Variants in SLC24A3 observed in about 807,000 individuals in gnomAD.
The protein encoded by SLC24A3 is solute carrier family 24 member 3.
A neutral mutation model predicts 75.8 loss-of-function variants in SLC24A3; 28 were observed. That is an observed-to-expected ratio of 0.37 (90% CI 0.27 to 0.51). SLC24A3 has a LOEUF of 0.51. Among genes scored for constraint, SLC24A3 ranks in the 20% least tolerant of loss-of-function variants. The pLI is 0.94. For synonymous variants in SLC24A3, 372 were observed against 334.1 expected (o/e 1.11, Z -1.24); for missense variants, 663 against 847.8 (o/e 0.78, Z 2.71).
intron 2 of SLC24A3, among the ~76,000 whole-genome samples, chr20:19,310,083 C>T (rs188235554): frequency 0.024 from 3,636 of 152,324 alleles, 73 homozygotes; most frequent in Non-Finnish European, 0.035. Flanking sequence ...TGCCTGGTGT[C>T]TTCGTGGAGT....
At chr20:19,483,413 A>G (rs941057267) in intron 2 of SLC24A3, among the ~76,000 whole-genome samples, 1 of 152,262 alleles carries the variant, frequency 6.6e-6, no homozygotes, top group Admixed American at 6.5e-5. Flanking sequence ...AGGACACTTG[A>G]CACAGAATTT....
chr20:19,221,438 G>C (rs1333210801), intron 1 of SLC24A3, among the ~76,000 whole-genome samples: 1 of 152,190 alleles, frequency 6.6e-6, no homozygotes, highest in East Asian at 1.9e-4. Flanking sequence ...TGGAACCCAG[G>C]TATGCGTCTT....
At chr20:19,440,645 GTTTTTTTTTTT>G (rs11469517) in intron 2 of SLC24A3, among the ~76,000 whole-genome samples, 1 of 131,396 alleles carries the variant, frequency 7.6e-6, no homozygotes, top group Non-Finnish European at 1.7e-5. Flanking sequence ...AGGCCTCACT[GTTTTTTTTTTT>G]TTTTTTTTTT....
intron 2 of SLC24A3, among the ~76,000 whole-genome samples, chr20:19,454,622 C>T (rs970426069): frequency 6.6e-6 from 1 of 152,054 alleles, no homozygotes; most frequent in Non-Finnish European, 1.5e-5. Context: ...AAAAGTTAAG[C>T]CATAAAGAAC....
intron 2 of SLC24A3, among the ~76,000 whole-genome samples, chr20:19,341,675 CAG>C (rs1024098473): frequency 1.3e-5 from 2 of 152,220 alleles, no homozygotes; most frequent in Admixed American, 1.3e-4. Context: ...TGGCATTAAA[CAG>C]AGACTTGCAG....
chr20:19,495,312 T>C (rs2122535214), intron 2 of SLC24A3, among the ~76,000 whole-genome samples: 1 of 152,328 alleles, frequency 6.6e-6, no homozygotes, highest in East Asian at 1.9e-4. Context: ...TTGGACTGGA[T>C]GTACAAGTTC....
chr20:19,410,602 C>T (rs1041980981), intron 2 of SLC24A3, among the ~76,000 whole-genome samples: 3 of 152,124 alleles, frequency 2.0e-5, no homozygotes, highest in Non-Finnish European at 2.9e-5. Flanking sequence ...AAGCGTGGTT[C>T]TCTCGGGGAG....
At chr20:19,472,751 A>G (rs543360296) in intron 2 of SLC24A3, among the ~76,000 whole-genome samples, 36 of 152,254 alleles carry the variant, frequency 2.4e-4, no homozygotes, top group African/African-American at 7.9e-4. Flanking sequence ...CGTCCCCACT[A>G]CCGTTGCCTG....
intron 2 of SLC24A3, among the ~76,000 whole-genome samples, chr20:19,380,134 A>G (rs965071423): frequency 1.3e-5 from 2 of 152,210 alleles, no homozygotes; most frequent in Non-Finnish European, 2.9e-5. Context: ...GTGATGCAAT[A>G]TGATGAGATG....
chr20:19,374,965 C>A (rs1237223991), intron 2 of SLC24A3, among the ~76,000 whole-genome samples: 1 of 152,178 alleles, frequency 6.6e-6, no homozygotes, highest in Non-Finnish European at 1.5e-5. Flanking sequence ...CAAGGTAACA[C>A]TGAGTCTGTG....
At chr20:19,220,979 GATGTGAATAT>G (rs961948745) in intron 1 of SLC24A3, among the ~76,000 whole-genome samples, 3 of 152,148 alleles carry the variant, frequency 2.0e-5, no homozygotes, top group Non-Finnish European at 1.5e-5. Flanking sequence ...TCCTGTCCTG[GATGTGAATAT>G]ATGTGTTTTT....
chr20:19,651,353 A>G (rs1395580083), intron 6 of SLC24A3, among the ~76,000 whole-genome samples: 1 of 146,398 alleles, frequency 6.8e-6, no homozygotes, highest in Admixed American at 6.8e-5. Context: ...TGATTACAAA[A>G]TGTCATTCTG....
chr20:19,692,779 C>G (rs954057181), intron 12 of SLC24A3, among the ~76,000 whole-genome samples: 7 of 152,158 alleles, frequency 4.6e-5, no homozygotes, highest in Non-Finnish European at 8.8e-5. Flanking sequence ...CGCTGACCGA[C>G]GATGCTGAGA....
At chr20:19,597,368 C>T (rs2031464799) in intron 6 of SLC24A3, among the ~76,000 whole-genome samples, 1 of 151,936 alleles carries the variant, frequency 6.6e-6, no homozygotes, top group African/African-American at 2.4e-5. Flanking sequence ...GCCTGGGCAA[C>T]AGAGTGAAAT....
intron 2 of SLC24A3, among the ~76,000 whole-genome samples, chr20:19,434,524 T>A (rs73900117): frequency 0.027 from 4,160 of 152,314 alleles, 163 homozygotes; most frequent in East Asian, 0.1. Flanking sequence ...TTAGCATTGG[T>A]GCATTGGTGA....
intron 6 of SLC24A3, among the ~76,000 whole-genome samples, chr20:19,590,975 C>T (rs1237673231): frequency 2.6e-5 from 4 of 152,192 alleles, no homozygotes; most frequent in African/African-American, 7.2e-5. Flanking sequence ...TTATGACTGA[C>T]CATCTGCCTG....
At chr20:19,280,770 T>C (rs1264089631) in intron 1 of SLC24A3, among the ~76,000 whole-genome samples, 189 bp from the exon 2 acceptor site, 1 of 152,170 alleles carries the variant, frequency 6.6e-6, no homozygotes, top group African/African-American at 2.4e-5. Flanking sequence ...AGAATCCAGC[T>C]TAGAACATAC....
intron 6 of SLC24A3, 86 bp from the exon 7 acceptor site, chr20:19,653,976 C>T (rs1354367119): frequency 8.7e-7 from 1 of 1,144,490 alleles, no homozygotes; most frequent in Non-Finnish European, 1.3e-6. Context: ...GAGGCCTAGA[C>T]AGGAAGCTGG....
At chr20:19,357,275 T>G (rs978748038) in intron 2 of SLC24A3, among the ~76,000 whole-genome samples, 5 of 152,170 alleles carry the variant, frequency 3.3e-5, no homozygotes, top group African/African-American at 1.2e-4. Context: ...GGCATGGCTC[T>G]GCTGACACCT....
Sources: gnomAD v4.1 joint callset for allele counts (sites outside exome capture counted in the v4.1 genomes callset) on GRCh38, gnomAD v4.1.1 for gene constraint, MANE v1.5 for transcripts, NCBI Gene and HGNC (gene_info 2026-07-23, HGNC 2026-07-21) for gene names.